PFKL: variants seen among roughly 807,000 people sequenced by gnomAD.
The protein encoded by PFKL is phosphofructokinase, liver type, also known as ATP-dependent 6-phosphofructokinase, liver type.
PFKL carries 74 observed loss-of-function variants against 92.1 expected under a neutral mutation model. That is an observed-to-expected ratio of 0.80 (90% CI 0.67 to 0.97). PFKL has a LOEUF of 0.97. PFKL is among the 50% of genes least tolerant of loss of function. PFKL has a pLI of 0.00. For missense variants in PFKL, 1,028 were observed against 1,116.6 expected (o/e 0.92, Z 1.13); for synonymous variants, 494 against 456.4 (o/e 1.08, Z -1.05).
At chr21:44,301,604 C>T (rs1008808375) in intron 1 of PFKL, among the ~76,000 whole-genome samples, 7 of 152,120 alleles carry the variant, frequency 4.6e-5, no homozygotes, top group African/African-American at 9.7e-5. Context: ...AGAGGAGGCC[C>T]GTGGCCTTGG....
intron 4 of PFKL, among the ~76,000 whole-genome samples, 175 bp downstream of exon 4, chr21:44,312,469 C>T (rs1033445705): frequency 2.0e-5 from 3 of 152,190 alleles, no homozygotes; most frequent in Non-Finnish European, 4.4e-5. Context: ...GCTCAGATGT[C>T]TCCCAGAGAT....
intron 2 of PFKL, chr21:44,307,415 C>T (rs2040982996): frequency 1.8e-6 from 1 of 541,638 alleles, no homozygotes; most frequent in Admixed American, 6.4e-5. Flanking sequence ...TCACAGGCTG[C>T]ATTCTTGCCT....
intron 21 of PFKL, 38 bp from the exon 22 acceptor site, chr21:44,326,677 C>A (rs754499267): frequency 3.1e-6 from 5 of 1,602,486 alleles, no homozygotes; most frequent in Non-Finnish European, 4.3e-6. Context: ...GCCCTGACCC[C>A]TGACTCCCCA....
chr21:44,324,050 C>T, intron 16 of PFKL, 132 bp downstream of exon 16: 1 of 1,040,638 alleles, frequency 9.6e-7, no homozygotes. Context: ...GTTTGTGGGG[C>T]ACAGGCCCGG....
chr21:44,320,273 G>A, intron 12 of PFKL, 126 bp downstream of exon 12: 1 of 765,616 alleles, frequency 1.3e-6, no homozygotes, highest in African/African-American at 1.8e-5. Flanking sequence ...CGAGCTGTGA[G>A]CTGGGAGGGT....
At chr21:44,317,462 C>T (rs1254516845) in intron 9 of PFKL, among the ~76,000 whole-genome samples, 4 of 152,196 alleles carry the variant, frequency 2.6e-5, no homozygotes, top group African/African-American at 9.7e-5. Context: ...TCTTGAGGGG[C>T]CGGGGACATC....
At position 44,326,977 on chromosome 21, in the gene PFKL, C is replaced by A; in HGVS notation, c.*115C>A. The A allele has an allele frequency of 1.1e-6, 1 of 938,494 alleles. No homozygotes were observed. The highest frequency in any genetic ancestry group is 1.6e-6 in the Non-Finnish European group (1 of 616,452). 58.1% of individuals were successfully genotyped at this position (938,494 alleles called of 1,614,324 possible). On this transcript the variant is annotated 3_prime_UTR_variant, in exon 22 of 22. Coordinates refer to ENST00000349048, the MANE Select transcript of PFKL (RefSeq NM_002626.6). Reference sequence around the variant, plus strand: ...CCTGCAGGCAGGTGGGGGCTGCGTCCCTGCTCAGCCCATCCCCTGCCTCTA... The same window carrying A: ...CCTGCAGGCAGGTGGGGGCTGCGTCACTGCTCAGCCCATCCCCTGCCTCTA...
At position 44,324,402 on chromosome 21, in the gene PFKL, A is replaced by G. The variant is rs537365478; in HGVS notation, c.1651-89A>G. ...CGTCAGCCCCAGGCTGGCTTTGGAG[A>G]CACAGGGCTCCCTGCAGGGTAGCCA... On this transcript the variant is annotated intron_variant, in intron 16 of 21. Coordinates refer to ENST00000349048, the MANE Select transcript of PFKL (RefSeq NM_002626.6). 3 of 1,400,094 alleles carry G rather than the reference A, an allele frequency of 2.1e-6. No individual in the cohort carries two copies. In the South Asian group the frequency reaches 3.7e-5, roughly 17 times the overall value. The allele number at this position is 1,400,094 out of a possible 1,614,324, so 86.7% of individuals were successfully genotyped here. A position where few individuals can be genotyped will look rare whatever the true frequency, so the allele number is the denominator to read the frequency against.
Position 44,321,800 on chromosome 21 carries a change from G to A in PFKL, c.1263G>A (p.Ala421=), listed in dbSNP as rs763764603. The A allele has an allele frequency of 1.5e-5, 24 of 1,601,786 alleles. No homozygotes were observed. In the Middle Eastern group the frequency reaches 6.6e-4, roughly 44 times the overall value. Reference sequence around the variant, plus strand: ...GCATGAATGCGGCCGTGCGCTCGGCGGTGCGGACCGGCATCTCCCATGGAC... The same window carrying A: ...GCATGAATGCGGCCGTGCGCTCGGCAGTGCGGACCGGCATCTCCCATGGAC... ...AAGMNAAVRS[A]VRTGISHGHT... Residue 421 remains alanine (A), a synonymous_variant, in exon 13 of 22, where the codon GCG becomes GCA. Coordinates refer to ENST00000349048, the MANE Select transcript of PFKL (RefSeq NM_002626.6).
chr21:44,311,101 G>A lies in PFKL; in HGVS notation c.237+18G>A, dbSNP rs2047027765. The A allele has an allele frequency of 4.4e-6, 7 of 1,604,374 alleles. No individual in the cohort carries two copies. The highest frequency in any genetic ancestry group is 4.3e-6 in the Non-Finnish European group (5 of 1,172,906). ...TCCAGCTGGTGAGGCCTGGGAACGC[G>A]GATGCATGTTGCACTTGGACTCGCA... On this transcript the variant is annotated intron_variant, in intron 3 of 21. Coordinates refer to ENST00000349048, the MANE Select transcript of PFKL (RefSeq NM_002626.6).
At chr21:44,310,848 C>T (rs963719391) in intron 2 of PFKL, among the ~76,000 whole-genome samples, 158 bp from the exon 3 acceptor site, 9 of 152,038 alleles carry the variant, frequency 5.9e-5, no homozygotes, top group Non-Finnish European at 1.2e-4. Context: ...AGGGGGCACC[C>T]GGACCCTGTT....
intron 10 of PFKL, among the ~76,000 whole-genome samples, chr21:44,318,883 T>C (rs2047283154): frequency 6.6e-6 from 1 of 151,590 alleles, no homozygotes; most frequent in Non-Finnish European, 1.5e-5. Flanking sequence ...TAGGCAGTGG[T>C]GGGAGTTGGG....
chr21:44,313,730 G>T (rs1478121183), intron 6 of PFKL, 48 bp downstream of exon 6: 7 of 1,558,950 alleles, frequency 4.5e-6, no homozygotes, highest in Non-Finnish European at 6.1e-6. Flanking sequence ...TGCTGCTGGG[G>T]ACCGCAGTGA....
chr21:44,316,323 C>G lies in PFKL; in HGVS notation c.827C>G (p.Ser276Cys). The G allele has an allele frequency of 6.2e-7, 1 of 1,613,300 alleles. No homozygotes were observed. The highest frequency in any genetic ancestry group is 1.1e-5 in the South Asian group (1 of 91,090). The change falls in exon 8 of 22, where the codon TCC becomes TGC. Residue 276 changes from serine to cysteine, a missense_variant. Transcript: ENST00000349048. ...GACCGCAACGGGAAGCCCATCTCGT[C>G]CAGCTACGTGAAGGACGTGCGTGTG... ...AIDRNGKPIS[S>C]SYVKDLVVQR...
At chr21:44,307,626 A>G (rs1381591915) in intron 2 of PFKL, among the ~76,000 whole-genome samples, 1 of 152,184 alleles carries the variant, frequency 6.6e-6, no homozygotes, top group Non-Finnish European at 1.5e-5. Flanking sequence ...TCTTGGCCCC[A>G]GGGAACAGCA....
chr21:44,322,047 G>T, intron 13 of PFKL, 86 bp from the exon 14 acceptor site: 1 of 1,495,994 alleles, frequency 6.7e-7, no homozygotes, highest in South Asian at 1.3e-5. Flanking sequence ...GCCCAACACT[G>T]GCTGGCCCCC....
In PFKL at chr21:44,319,512, C is replaced by A; in HGVS notation, c.1127+97C>A. ...GGCGCTATGCACGCCTGGCCTGGGT[C>A]ATCCTTCTAGGCACCGCGTCTGAAG... On this transcript the variant is annotated intron_variant, in intron 11 of 21. Coordinates refer to ENST00000349048, the MANE Select transcript of PFKL (RefSeq NM_002626.6). 2.8e-6 allele frequency: 3 copies of A among 1,055,990 alleles called. No homozygotes were observed. In the South Asian group the frequency reaches 3.8e-5, roughly 13 times the overall value. The allele number at this position is 1,055,990 out of a possible 1,614,324, so 65.4% of individuals were successfully genotyped here.
chr21:44,313,476 G>A (rs1378147494), intron 5 of PFKL, among the ~76,000 whole-genome samples, 162 bp from the exon 6 acceptor site: 2 of 152,232 alleles, frequency 1.3e-5, no homozygotes, highest in Non-Finnish European at 2.9e-5. Context: ...CCCAAAGGCT[G>A]GAAGGATCCC....
rs1338135298 is a variant in PFKL, at chr21:44,300,207, G to A, written c.85+17G>A. 1.8e-5 allele frequency: 19 copies of A among 1,071,152 alleles called. No individual in the cohort carries two copies. Among genetic ancestry groups the A allele is most frequent in the Non-Finnish European group, 2.1e-5 (19 of 884,848 alleles). 66.4% of individuals were successfully genotyped at this position (1,071,152 alleles called of 1,614,324 possible). A position where few individuals can be genotyped will look rare whatever the true frequency, so the allele number is the denominator to read the frequency against. On this transcript the variant is annotated intron_variant, in intron 1 of 21. Coordinates refer to ENST00000349048, the MANE Select transcript of PFKL (RefSeq NM_002626.6). The stretch of plus-strand genomic sequence containing the variant: ...ACGCGCAAGGTGGGCGGGGGTCCCG[G>A]CCGCGTCGCGGCGCAGGGGGTGGAG...
Sources: allele counts gnomAD v4.1 joint callset (sites outside exome capture counted in the v4.1 genomes callset), GRCh38; gene constraint gnomAD v4.1.1; transcripts MANE v1.5; gene names NCBI Gene and HGNC (gene_info 2026-07-23, HGNC 2026-07-21).